Variants in SIPA1L1 observed in about 807,000 individuals in gnomAD.
SIPA1L1 encodes the protein signal-induced proliferation-associated 1-like protein 1.
Under a neutral mutation model 162.7 loss-of-function variants are expected in SIPA1L1, and 26 were observed. That is an observed-to-expected ratio of 0.16 (90% CI 0.12 to 0.22). The LOEUF is 0.22. Ranked by LOEUF, SIPA1L1 falls within the 10% of genes least tolerant of loss-of-function variation. The pLI, the probability that SIPA1L1 is intolerant of heterozygous loss-of-function variation, is 1.00. For synonymous variants in SIPA1L1, 829 were observed against 837.4 expected, an observed-to-expected ratio of 0.99 and a Z score of 0.17; for missense variants, 1,874 against 2,241.0, an observed-to-expected ratio of 0.84 and a Z score of 3.31.
chr14:71,351,567 T>C (rs2036709129), intron 2 of SIPA1L1, among the ~76,000 whole-genome samples: 1 of 152,036 alleles, frequency 6.6e-6, no homozygotes, highest in African/African-American at 2.4e-5. Flanking sequence ...TAGGTGTAAA[T>C]AGAATTCAGA....
intron 2 of SIPA1L1, among the ~76,000 whole-genome samples, chr14:71,370,142 A>C (rs1215389340): frequency 7.0e-6 from 1 of 141,954 alleles, no homozygotes; most frequent in Non-Finnish European, 1.5e-5. Context: ...TTCCTAATTG[A>C]ATACCCTTTA....
At chr14:71,582,578 AG>A (rs904237136) in intron 4 of SIPA1L1, among the ~76,000 whole-genome samples, 1 of 152,212 alleles carries the variant, frequency 6.6e-6, no homozygotes, top group African/African-American at 2.4e-5. Flanking sequence ...GTGTCCAAAC[AG>A]GCACATTTTA....
chr14:71,363,513 C>T (rs1595020139), intron 2 of SIPA1L1, among the ~76,000 whole-genome samples: 3 of 152,154 alleles, frequency 2.0e-5, no homozygotes, highest in South Asian at 2.1e-4. Flanking sequence ...GCTTTTTAAA[C>T]AACTACCTAA....
At position 71,424,089 on chromosome 14, in the gene SIPA1L1, G is replaced by C. The variant is rs180929335; in HGVS notation, c.-464-88654G>C. 2.6e-5 allele frequency among the ~76,000 whole-genome samples: 4 copies of C among 152,170 alleles called. No homozygotes were observed. The East Asian group carries it at 7.7e-4, about 29-fold the overall frequency. ...TCCTTTTAAGATTGTCCATTGATAA[G>C]TATATAGAAATGCAACTGATTTTTG... On this transcript the variant is annotated intron_variant, in intron 2 of 23. Transcript: ENST00000381232.
chr14:71,700,406 T>A (rs1252174608), intron 14 of SIPA1L1, among the ~76,000 whole-genome samples: 1 of 152,250 alleles, frequency 6.6e-6, no homozygotes, highest in Non-Finnish European at 1.5e-5. Context: ...CATTTCTAAC[T>A]GGCATCTCCA....
At chr14:71,639,196 C>T (rs1247706245) in intron 7 of SIPA1L1, among the ~76,000 whole-genome samples, 2 of 152,110 alleles carry the variant, frequency 1.3e-5, no homozygotes, top group East Asian at 3.8e-4. Flanking sequence ...TGCTTGAATC[C>T]AATAGTTCAA....
chr14:71,456,392 A>G (rs1439300790), intron 2 of SIPA1L1, among the ~76,000 whole-genome samples: 2 of 152,208 alleles, frequency 1.3e-5, no homozygotes, highest in Non-Finnish European at 2.9e-5. Flanking sequence ...TAAAAATACA[A>G]CCCTATCAAT....
chr14:71,508,998 TC>T (rs1159389431), intron 2 of SIPA1L1, among the ~76,000 whole-genome samples: 43 of 152,290 alleles, frequency 2.8e-4, no homozygotes, highest in African/African-American at 1.0e-3. Context: ...GAGTTTTAAT[TC>T]CCTGGCTCAC....
intron 12 of SIPA1L1, 138 bp from the exon 13 acceptor site, chr14:71,685,224 C>G (rs1291785163): frequency 5.4e-6 from 5 of 927,680 alleles, no homozygotes; most frequent in Non-Finnish European, 6.7e-6. Flanking sequence ...AGTACTAGGG[C>G]CCAAAGATTG....
chr14:71,595,192 T>A (rs748061106), intron 5 of SIPA1L1, among the ~76,000 whole-genome samples: 7 of 152,232 alleles, frequency 4.6e-5, no homozygotes, highest in Admixed American at 2.6e-4. Context: ...AGTTCAACAC[T>A]TGACTTTATT....
chr14:71,419,892 G>A (rs1322944661), intron 2 of SIPA1L1, among the ~76,000 whole-genome samples: 1 of 152,060 alleles, frequency 6.6e-6, no homozygotes, highest in Non-Finnish European at 1.5e-5. Flanking sequence ...ATGGTGGCAT[G>A]CACCTGTAGT....
At chr14:71,561,446 G>A (rs868819419) in intron 4 of SIPA1L1, among the ~76,000 whole-genome samples, 5 of 152,084 alleles carry the variant, frequency 3.3e-5, no homozygotes, top group African/African-American at 1.2e-4. Context: ...GCATTAATTC[G>A]CAGTGCCCAC....
intron 14 of SIPA1L1, among the ~76,000 whole-genome samples, chr14:71,700,971 G>A (rs1030446929): frequency 4.0e-4 from 44 of 110,138 alleles, no homozygotes; most frequent in Middle Eastern, 0.01. Context: ...CTCCAGCCTA[G>A]GGGACAGAGC....
At chr14:71,511,394 C>T (rs905405753) in intron 2 of SIPA1L1, among the ~76,000 whole-genome samples, 3 of 152,152 alleles carry the variant, frequency 2.0e-5, no homozygotes, top group Non-Finnish European at 4.4e-5. Context: ...AAGCAATTCT[C>T]CCACCTCAGC....
chr14:71,682,073 A>G lies in SIPA1L1; in HGVS notation c.3105-3289A>G, dbSNP rs1054295432. On this transcript the variant is annotated intron_variant, in intron 12 of 23. Coordinates refer to ENST00000381232, the MANE Select transcript of SIPA1L1 (RefSeq NM_001386936.1). Reference sequence around the variant, plus strand: ...ACACAGTCTTACCTACATAGTATGTATTAATTCTGTGGGTTTAAATCCTGG... The same window carrying G: ...ACACAGTCTTACCTACATAGTATGTGTTAATTCTGTGGGTTTAAATCCTGG... 3.6e-4 allele frequency among the ~76,000 whole-genome samples: 55 copies of G among 152,324 alleles called. 1 individual carries two copies. Among genetic ancestry groups the G allele is most frequent in the African/African-American group, 1.2e-3 (49 of 41,574 alleles).
intron 2 of SIPA1L1, among the ~76,000 whole-genome samples, chr14:71,407,048 C>G (rs560626249): frequency 6.6e-6 from 1 of 152,244 alleles, no homozygotes; most frequent in African/African-American, 2.4e-5. Context: ...TCAAGACCAG[C>G]CTGGCCAAAA....
At chr14:71,335,213 T>A (rs2034965439) in intron 2 of SIPA1L1, among the ~76,000 whole-genome samples, 1 of 152,096 alleles carries the variant, frequency 6.6e-6, no homozygotes, top group Non-Finnish European at 1.5e-5. Context: ...GGTAGGAGAA[T>A]GGAGTGTGAA....
Position 71,526,158 on chromosome 14 carries a change from C to T in SIPA1L1, c.-361-3154C>T, listed in dbSNP as rs193290288. ...AGAAAGCATCCACTTAGTAATGTGT[C>T]CCGTATTGTTTATTTATAATAATTA... On this transcript the variant is annotated intron_variant, in intron 3 of 23. Coordinates refer to ENST00000381232, the MANE Select transcript of SIPA1L1 (RefSeq NM_001386936.1). 1.1e-3 allele frequency among the ~76,000 whole-genome samples: 175 copies of T among 152,234 alleles called. 1 individual carries two copies. The highest frequency in any genetic ancestry group is 2.1e-3 in the Non-Finnish European group (142 of 68,032).
chr14:71,331,136 A>G (rs188266018), intron 2 of SIPA1L1, among the ~76,000 whole-genome samples: 12 of 152,266 alleles, frequency 7.9e-5, no homozygotes, highest in Non-Finnish European at 1.5e-4. Flanking sequence ...ATTTTTTCCA[A>G]CACCATTTGT....
Sources: allele counts gnomAD v4.1 joint callset (sites outside exome capture counted in the v4.1 genomes callset), GRCh38; gene constraint gnomAD v4.1.1; transcripts MANE v1.5; gene names NCBI Gene and HGNC (gene_info 2026-07-23, HGNC 2026-07-21).